AKAP19: variants seen among roughly 807,000 people sequenced by gnomAD.
AKAP19 encodes small A-kinase anchoring protein.
At chr2:189,887,733 T>C in the AKAP19 span, among the ~76,000 whole-genome samples, 16 of 152,238 alleles carry the variant, frequency 1.1e-4, no homozygotes, top group African/African-American at 3.6e-4. Context: ...ATGATGAGCT[T>C]TTTTTCATGT....
chr2:189,954,983 C>T, the AKAP19 span, among the ~76,000 whole-genome samples: 1 of 152,138 alleles, frequency 6.6e-6, no homozygotes, highest in Non-Finnish European at 1.5e-5. Context: ...GGTACAAGTA[C>T]AGTGGTGTTA....
chr2:189,973,452 G>T, the AKAP19 span, among the ~76,000 whole-genome samples: 3 of 151,782 alleles, frequency 2.0e-5, no homozygotes, highest in Admixed American at 6.6e-5. Flanking sequence ...TCTCTTTTTT[G>T]GTTGTGTCTC....
chr2:190,088,354 T>A, the AKAP19 span, among the ~76,000 whole-genome samples: 1 of 152,112 alleles, frequency 6.6e-6, no homozygotes, highest in African/African-American at 2.4e-5. Context: ...GAGTAGAGGG[T>A]AAGAATCAGA....
At chr2:190,184,841 A>C in the AKAP19 span, among the ~76,000 whole-genome samples, 2 of 152,298 alleles carry the variant, frequency 1.3e-5, no homozygotes, top group South Asian at 4.2e-4. Context: ...ATTAGTGAGA[A>C]ATTAAGTCCA....
the AKAP19 span, among the ~76,000 whole-genome samples, chr2:190,185,212 G>T: frequency 6.6e-6 from 1 of 152,132 alleles, no homozygotes; most frequent in African/African-American, 2.4e-5. Context: ...AAATGAAGTG[G>T]TTTTACTACA....
chr2:189,895,641 TG>T, the AKAP19 span, among the ~76,000 whole-genome samples: 1 of 152,144 alleles, frequency 6.6e-6, no homozygotes, highest in South Asian at 2.1e-4. Flanking sequence ...AGAAGCATCA[TG>T]GGAAATAGGA....
chr2:189,930,839 AGGATAGGTGTTTGCTAGGTGTT>A, the AKAP19 span: 2 of 771,506 alleles, frequency 2.6e-6, no homozygotes, highest in East Asian at 5.0e-5. Flanking sequence ...CTAATTTGTT[AGGATAGGTGTTTGCTAGGTGTT>A]GGATGGTAGA....
At chr2:190,060,305 T>G in the AKAP19 span, 8 of 1,613,028 alleles carry the variant, frequency 5.0e-6, no homozygotes, top group Non-Finnish European at 5.1e-6. Flanking sequence ...GCACAAACAC[T>G]GTTGTAGGAG....
chr2:189,914,505 G>C, the AKAP19 span, among the ~76,000 whole-genome samples: 15,575 of 151,958 alleles, frequency 0.1, 1,151 homozygotes, highest in East Asian at 0.2. Flanking sequence ...AAGCTAAATA[G>C]GAAATTATGG....
chr2:190,070,701 C>T, the AKAP19 span, among the ~76,000 whole-genome samples: 1 of 142,530 alleles, frequency 7.0e-6, no homozygotes, highest in East Asian at 2.3e-4. Flanking sequence ...GACCCAAAAT[C>T]TATGTTAAAT....
At chr2:189,916,239 TTAATATACTAAA>T in the AKAP19 span, among the ~76,000 whole-genome samples, 1 of 152,120 alleles carries the variant, frequency 6.6e-6, no homozygotes, top group Non-Finnish European at 1.5e-5. Flanking sequence ...GACATTAGTG[TTAATATACTAAA>T]GACAGAATAT....
the AKAP19 span, among the ~76,000 whole-genome samples, chr2:190,180,055 A>C: frequency 6.6e-6 from 1 of 152,234 alleles, no homozygotes; most frequent in Non-Finnish European, 1.5e-5. The surrounding 1 kb of genome is among the most constrained non-coding windows in gnomAD (Gnocchi z 6.8). Context: ...CTTTGTTTGA[A>C]AGAGAAACAC....
the AKAP19 span, among the ~76,000 whole-genome samples, chr2:190,012,944 C>T: frequency 1.5e-4 from 23 of 152,224 alleles, no homozygotes; most frequent in African/African-American, 4.8e-4. Context: ...CATCTTGCCT[C>T]CTACAGGTAA....
chr2:189,941,494 C>T, the AKAP19 span, among the ~76,000 whole-genome samples: 1 of 151,336 alleles, frequency 6.6e-6, no homozygotes, highest in Non-Finnish European at 1.5e-5. Context: ...AGAATTTAAA[C>T]GTAAAGTTTT....
chr2:190,120,430 T>C, the AKAP19 span, among the ~76,000 whole-genome samples: 2 of 152,174 alleles, frequency 1.3e-5, no homozygotes, highest in Admixed American at 6.5e-5. Context: ...GTCTTAGAGA[T>C]ATTTGATGAC....
At chr2:190,181,466 C>G in the AKAP19 span, 5 of 152,208 alleles carry the variant, frequency 3.3e-5, no homozygotes, top group African/African-American at 1.2e-4. Flanking sequence ...GGCTTGTGCT[C>G]TGAATGGCAT....
chr2:189,891,223 CT>C, the AKAP19 span, among the ~76,000 whole-genome samples: 8,047 of 110,362 alleles, frequency 0.073, 173 homozygotes, highest in East Asian at 0.15. Flanking sequence ...TTTTTTTTTC[CT>C]TTTTTTTTTT....
chr2:190,146,488 A>T, the AKAP19 span, among the ~76,000 whole-genome samples: 3 of 152,186 alleles, frequency 2.0e-5, no homozygotes, highest in Admixed American at 6.5e-5. Context: ...TTTTTGAATT[A>T]TGACTTATTT....
the AKAP19 span, among the ~76,000 whole-genome samples, chr2:189,980,151 G>T: frequency 3.3e-5 from 5 of 152,190 alleles, no homozygotes; most frequent in East Asian, 9.6e-4. Flanking sequence ...AGCAGTCATG[G>T]AATCAACCTA....
Sources: allele counts gnomAD v4.1 joint callset (sites outside exome capture counted in the v4.1 genomes callset), GRCh38; gene constraint gnomAD v4.1.1; non-coding constraint Gnocchi (gnomAD v3.1); transcripts MANE v1.5; gene names NCBI Gene and HGNC (gene_info 2026-07-23, HGNC 2026-07-21).